Variants in PPARD observed in about 807,000 individuals in gnomAD.
The protein encoded by PPARD is peroxisome proliferator-activated receptor delta.
A neutral mutation model predicts 39.5 loss-of-function variants in PPARD; 6 were observed. That is an observed-to-expected ratio of 0.15 (90% CI 0.08 to 0.30). The LOEUF (loss-of-function observed/expected upper bound fraction) is 0.30, where lower values mean the gene tolerates loss of function less well. Ranked by LOEUF, PPARD falls within the 10% of genes least tolerant of loss-of-function variation. The pLI is 1.00. For synonymous variants in PPARD, 210 were observed against 231.3 expected (o/e 0.91, Z 0.83); for missense variants, 397 against 596.8 (o/e 0.67, Z 3.49).
chr6:35,382,961 C>A (rs956341276), intron 2 of PPARD, among the ~76,000 whole-genome samples: 4 of 152,176 alleles, frequency 2.6e-5, no homozygotes, highest in African/African-American at 9.7e-5. Flanking sequence ...CCCACTAGCC[C>A]ACTGGGCAGC....
intron 3 of PPARD, among the ~76,000 whole-genome samples, chr6:35,415,784 G>A (rs1031323435): frequency 3.3e-5 from 5 of 151,962 alleles, no homozygotes; most frequent in Non-Finnish European, 5.9e-5. Context: ...GAACCTGTGT[G>A]TGTGTGTGTG....
intron 2 of PPARD, among the ~76,000 whole-genome samples, chr6:35,370,385 A>T (rs531756079): frequency 6.6e-6 from 1 of 152,308 alleles, no homozygotes; most frequent in Non-Finnish European, 1.5e-5. Context: ...TGGATAAAGT[A>T]TGTGTAAGAA....
intron 2 of PPARD, among the ~76,000 whole-genome samples, chr6:35,386,786 G>C (rs541778745): frequency 1.3e-5 from 2 of 151,992 alleles, no homozygotes; most frequent in African/African-American, 4.8e-5. Context: ...CTTGCAAAAA[G>C]GTTGCTGTAG....
At chr6:35,360,264 C>A (rs1017496594) in intron 2 of PPARD, among the ~76,000 whole-genome samples, 1 of 152,138 alleles carries the variant, frequency 6.6e-6, no homozygotes, top group Non-Finnish European at 1.5e-5. Flanking sequence ...AAAAAAAAAT[C>A]TCTGCTGTGA....
At chr6:35,402,161 G>A (rs551867770) in intron 2 of PPARD, among the ~76,000 whole-genome samples, 1 of 152,298 alleles carries the variant, frequency 6.6e-6, no homozygotes, top group South Asian at 2.1e-4. Flanking sequence ...TGAAGAAATT[G>A]GATAACATAG....
intron 2 of PPARD, among the ~76,000 whole-genome samples, chr6:35,394,578 C>G (rs1484110537): frequency 6.6e-6 from 1 of 151,992 alleles, no homozygotes; most frequent in African/African-American, 2.4e-5. Flanking sequence ...CGAGACCAGC[C>G]TGGCCAACAT....
At chr6:35,398,766 G>C (rs148226266) in intron 2 of PPARD, among the ~76,000 whole-genome samples, 8 of 152,160 alleles carry the variant, frequency 5.3e-5, no homozygotes, top group African/African-American at 1.9e-4. Context: ...ACTATCACAT[G>C]CTATCGTGGG....
chr6:35,424,857 T>C lies in PPARD; in HGVS notation c.1078+78T>C. On this transcript the variant is annotated intron_variant, in intron 7 of 7. Transcript: ENST00000360694. This position sits in a 1 kb window ranked among gnomAD's most constrained non-coding sequence, Gnocchi z 7.1. ...GGTTGGCCCTCACTGCAGGGCACTG[T>C]GCCTGAGCTCTGACAGTGTGGGGAA... The C allele has an allele frequency of 1.3e-6, 2 of 1,544,230 alleles. No individual in the cohort carries two copies.
chr6:35,423,532 C>CAAAA (rs201523237), intron 5 of PPARD, among the ~76,000 whole-genome samples: 3 of 110,096 alleles, frequency 2.7e-5, no homozygotes, highest in Admixed American at 9.7e-5. Flanking sequence ...GACTCTGTCT[C>CAAAA]AAAAAAAAAA....
At chr6:35,389,605 G>A (rs549024565) in intron 2 of PPARD, among the ~76,000 whole-genome samples, 85 of 152,026 alleles carry the variant, frequency 5.6e-4, no homozygotes, top group African/African-American at 2.0e-3. Context: ...GAGCCACCGC[G>A]CCCAGCCTGG....
intron 2 of PPARD, among the ~76,000 whole-genome samples, chr6:35,399,094 C>T (rs555269613): frequency 6.6e-6 from 1 of 151,692 alleles, no homozygotes; most frequent in Admixed American, 6.6e-5. Flanking sequence ...GCCTGGGCAA[C>T]AGTGAGACCC....
rs1762210854 is a variant in PPARD, at chr6:35,366,431, CAATT to C, written c.-102+19285_-102+19288del. On this transcript the variant is annotated intron_variant, in intron 2 of 7. Coordinates refer to ENST00000360694, the MANE Select transcript of PPARD (RefSeq NM_006238.5). The surrounding 1 kb of genome is among the most constrained non-coding windows in gnomAD (Gnocchi z 4.6). ...ATAATGTGATAGTTGCTATACAGGA[CAATT>C]AATCTGATAGCATTTATGCTAGAGG... is the stretch of plus-strand genomic sequence containing the variant. Among the ~76,000 whole-genome samples the C allele has an allele frequency of 6.6e-6, 1 of 151,458 alleles. No individual in the cohort carries two copies. Among genetic ancestry groups the C allele is most frequent in the Non-Finnish European group, 1.5e-5 (1 of 68,012 alleles).
rs9658143 is a variant in PPARD at position 35,412,237 on chromosome 6, C to T, written c.130+1020C>T. Among the ~76,000 whole-genome samples the T allele has an allele frequency of 6.2e-3, 940 of 152,288 alleles. 3 individuals are homozygous for T. The highest frequency in any genetic ancestry group is 0.017 in the Middle Eastern group (5 of 294). Reference sequence around the variant, plus strand: ...GGAGCCACCGCGCCTGGCCTGATCCCTCTGCTTCTTGCTTTCTCCCACCAC... The same window carrying T: ...GGAGCCACCGCGCCTGGCCTGATCCTTCTGCTTCTTGCTTTCTCCCACCAC... On this transcript the variant is annotated intron_variant, in intron 3 of 7. Coordinates refer to ENST00000360694, the MANE Select transcript of PPARD (RefSeq NM_006238.5). The surrounding 1 kb of genome is among the most constrained non-coding windows in gnomAD (Gnocchi z 4.1).
At chr6:35,350,524 G>A (rs1283604027) in intron 2 of PPARD, among the ~76,000 whole-genome samples, 1 of 151,092 alleles carries the variant, frequency 6.6e-6, no homozygotes, top group Non-Finnish European at 1.5e-5. Flanking sequence ...CTCAGTGTAT[G>A]TTCTTGGCAC....
At chr6:35,347,180 C>G (rs1404177155) in intron 2 of PPARD, 30 bp downstream of exon 2, 2 of 1,534,102 alleles carry the variant, frequency 1.3e-6, no homozygotes, top group African/African-American at 2.7e-5. Context: ...TCAGGGGTCT[C>G]TGACCACCAC....
intron 2 of PPARD, among the ~76,000 whole-genome samples, chr6:35,357,492 A>G (rs931948171): frequency 2.0e-5 from 3 of 151,418 alleles, no homozygotes; most frequent in African/African-American, 4.9e-5. Context: ...GACATCCTCC[A>G]AGGGCCAGAA....
At chr6:35,346,450 G>A (rs1792189863) in intron 1 of PPARD, among the ~76,000 whole-genome samples, 1 of 152,166 alleles carries the variant, frequency 6.6e-6, no homozygotes, top group South Asian at 2.1e-4. Flanking sequence ...CATTGTCAAT[G>A]CCATGTCCCA....
intron 2 of PPARD, among the ~76,000 whole-genome samples, chr6:35,362,075 A>T (rs1391856161): frequency 6.6e-6 from 1 of 152,206 alleles, no homozygotes; most frequent in African/African-American, 2.4e-5. Context: ...ATATTATCAC[A>T]CATAAGTGGC....
In PPARD at chr6:35,425,840, G is replaced by T. The variant is rs1304200087; in HGVS notation, c.1087G>T (p.Gly363Cys). The T allele has an allele frequency of 6.2e-7, 1 of 1,613,982 alleles. No individual in the cohort carries two copies. Among genetic ancestry groups the T allele is most frequent in the Non-Finnish European group, 8.5e-7 (1 of 1,180,010 alleles). ...AAIILCGDRPGLMNVPRVEAI... is the reference protein window; with the variant it reads ...AAIILCGDRPCLMNVPRVEAI... ...GCCCTGTGTCCCCACAGACCGGCCA[G>T]GCCTCATGAACGTTCCACGGGTGGA... The change falls in exon 8 of 8, where the codon GGC becomes TGC. Residue 363 changes from glycine (G) to cysteine (C), a missense_variant. Coordinates refer to ENST00000360694, the MANE Select transcript of PPARD (RefSeq NM_006238.5). The surrounding 1 kb of genome is among the most constrained non-coding windows in gnomAD (Gnocchi z 4.5).
Sources: allele counts gnomAD v4.1 joint callset (sites outside exome capture counted in the v4.1 genomes callset), GRCh38; gene constraint gnomAD v4.1.1; non-coding constraint Gnocchi (gnomAD v3.1); transcripts MANE v1.5; gene names NCBI Gene and HGNC (gene_info 2026-07-23, HGNC 2026-07-21).